ING1: variants seen among roughly 807,000 people sequenced by gnomAD.
The protein encoded by ING1 is inhibitor of growth family member 1, also known as inhibitor of growth protein 1.
A neutral mutation model predicts 23.1 loss-of-function variants in ING1; 4 were observed. That is an observed-to-expected ratio of 0.17 (90% CI 0.09 to 0.40). ING1 has a LOEUF of 0.40. Ranked by LOEUF, ING1 falls within the 10% of genes least tolerant of loss-of-function variation. The probability of loss-of-function intolerance (pLI) is 1.00; values close to 1 mark genes in which losing one functional copy is unlikely to be tolerated. For missense variants in ING1, 256 were observed against 393.8 expected (o/e 0.65, Z 2.96); for synonymous variants, 179 against 166.4 (o/e 1.08, Z -0.58).
At position 110,719,999 on chromosome 13, in the gene ING1, G is replaced by A; in HGVS notation, c.*67G>A. The stretch of plus-strand genomic sequence containing the variant: ...GTGTATTTATTACATTGCTGCCTTT[G>A]TTGAGGTGCAAGGAGTGTAAAATGT... On this transcript the variant is annotated 3_prime_UTR_variant, in exon 2 of 2. Coordinates refer to ENST00000333219, the MANE Select transcript of ING1 (RefSeq NM_198219.3). This position sits in a 1 kb window ranked among gnomAD's most constrained non-coding sequence, Gnocchi z 8.9. 8.7e-7 allele frequency: 1 copy of A among 1,154,892 alleles called. No homozygotes were observed. Among genetic ancestry groups the A allele is most frequent in the Non-Finnish European group, 1.2e-6 (1 of 819,562 alleles). 71.5% of individuals were successfully genotyped at this position (1,154,892 alleles called of 1,614,324 possible). A position where few individuals can be genotyped will look rare whatever the true frequency, so the allele number is the denominator to read the frequency against.
At chr13:110,716,074 T>G in intron 1 of ING1, 1 of 1,452,290 alleles carries the variant, frequency 6.9e-7, no homozygotes, top group East Asian at 2.5e-5. Context: ...GAAGGTGCTG[T>G]CCTCGGGCCG....
Position 110,720,989 on chromosome 13 carries a change from A to G in ING1, c.*1057A>G, listed in dbSNP as rs1325140416. On this transcript the variant is annotated 3_prime_UTR_variant, in exon 2 of 2. Transcript: ENST00000333219. ...ACCCTGGGTCAGGAAATTACTGCCC[A>G]CTTGTCAAGTTCAGCCCACCATCTG... 1 of 167,154 alleles carries G rather than the reference A, an allele frequency of 6.0e-6. No individual in the cohort carries two copies. The highest frequency in any genetic ancestry group is 2.4e-5 in the African/African-American group (1 of 41,472). 10.4% of individuals were successfully genotyped at this position (167,154 alleles called of 1,614,324 possible).
intron 1 of ING1, among the ~76,000 whole-genome samples, chr13:110,717,495 A>C (rs1050753620): frequency 1.3e-5 from 2 of 152,210 alleles, no homozygotes; most frequent in African/African-American, 4.8e-5. Flanking sequence ...AACATTTTAG[A>C]CAATCCCTCC....
intron 1 of ING1, chr13:110,715,745 GCT>G: frequency 6.3e-7 from 1 of 1,582,726 alleles, no homozygotes; most frequent in Non-Finnish European, 8.6e-7. Flanking sequence ...ATAGGCGGCG[GCT>G]CTCGGGGTGC....
At chr13:110,715,534 G>T (rs764983653) in intron 1 of ING1, 1 of 1,614,230 alleles carries the variant, frequency 6.2e-7, no homozygotes, top group South Asian at 1.1e-5. Context: ...AACTGGTATG[G>T]GTCTGTGTTT....
At chr13:110,713,651 C>T (rs1410400252), upstream of ING1, 4 of 985,302 alleles carry the variant, frequency 4.1e-6, no homozygotes, top group Non-Finnish European at 4.8e-6. Flanking sequence ...GGCGCATGCG[C>T]GCTGCGCAGC....
upstream of ING1, chr13:110,713,463 C>T: frequency 2.0e-6 from 2 of 990,124 alleles, no homozygotes; most frequent in Non-Finnish European, 2.4e-6. Flanking sequence ...CCTCGCCCGC[C>T]GTCCACACCC....
chr13:110,715,197 C>T lies in ING1; in HGVS notation c.136+912C>T, dbSNP rs2064099554. On this transcript the variant is annotated intron_variant, in intron 1 of 1. Transcript: ENST00000333219. ...GCGAGGTCAGTCAAGGCTTTGGGGG[C>T]TCTGTTTTGAATGTGGATCACCACT... is the stretch of plus-strand genomic sequence containing the variant. The T allele has an allele frequency of 1.1e-5, 14 of 1,247,980 alleles. No individual in the cohort carries two copies. In the South Asian group the frequency reaches 4.0e-4, roughly 35 times the overall value. The allele number at this position is 1,247,980 out of a possible 1,614,324, so 77.3% of individuals were successfully genotyped here.
chr13:110,713,170 T>G (rs2064057121), upstream of ING1: 1 of 1,427,926 alleles, frequency 7.0e-7, no homozygotes, highest in Admixed American at 2.9e-5. Flanking sequence ...GTGATTGGGC[T>G]GTCAAAGTGA....
At chr13:110,716,061 C>T (rs2064120140) in intron 1 of ING1, 2 of 1,470,558 alleles carry the variant, frequency 1.4e-6, no homozygotes, top group Non-Finnish European at 8.9e-7. Context: ...AGAAACTTTT[C>T]TGGAAGGTGC....
At chr13:110,714,922 AGTTTGC>A (rs1171016946) in intron 1 of ING1, 1 of 937,422 alleles carries the variant, frequency 1.1e-6, no homozygotes, top group Non-Finnish European at 1.3e-6. Context: ...CGCCGGTTGT[AGTTTGC>A]GGAGGACGAG....
upstream of ING1, chr13:110,713,040 T>G (rs2064053875): frequency 6.8e-7 from 1 of 1,478,134 alleles, no homozygotes; most frequent in Non-Finnish European, 9.0e-7. Context: ...CCAGTGCGCA[T>G]GCGCCGCCAC....
At chr13:110,716,060 T>C (rs755136274) in intron 1 of ING1, 23 of 1,473,230 alleles carry the variant, frequency 1.6e-5, no homozygotes, top group Non-Finnish European at 1.9e-5. Flanking sequence ...CAGAAACTTT[T>C]CTGGAAGGTG....
upstream of ING1, chr13:110,712,641 C>A (rs956552257): frequency 3.5e-5 from 20 of 570,242 alleles, no homozygotes; most frequent in African/African-American, 3.7e-4. Context: ...AGGGGCGACG[C>A]GGGGGAGGGC....
rs754505804 is a variant in ING1, at chr13:110,714,212, C to T, written c.63C>T (p.Asp21=). The change falls in exon 1 of 2, where the codon GAC becomes GAT. Residue 21 remains aspartate, a synonymous_variant. Transcript: ENST00000333219. Reference sequence around the variant, plus strand: ...TGAACTATGTGGAGGACTACCTGGACTCCATCGAGTCCCTGCCTTTCGACT... The same window carrying T: ...TGAACTATGTGGAGGACTACCTGGATTCCATCGAGTCCCTGCCTTTCGACT... ...HLVNYVEDYL[D]SIESLPFDLQ... 2.5e-6 allele frequency: 4 copies of T among 1,571,122 alleles called. No homozygotes were observed. The highest frequency in any genetic ancestry group is 2.8e-5 in the African/African-American group (2 of 71,354).
chr13:110,719,916 G>A lies in ING1; in HGVS notation c.824G>A (p.Arg275Lys), dbSNP rs368016398. The A allele has an allele frequency of 3.4e-5, 55 of 1,606,690 alleles. No individual in the cohort carries two copies. Among genetic ancestry groups the A allele is most frequent in the Non-Finnish European group, 4.5e-5 (53 of 1,177,946 alleles). ...DKALEKSKKE[R>K]AYNR ...GCCCTGGAGAAATCCAAAAAAGAGA[G>A]GGCTTACAACAGGTAGTTTGTGGAC... Residue 275 changes from arginine to lysine, a missense_variant, in exon 2 of 2, where the codon AGG (arginine) becomes AAG (lysine). Around this residue, in one of 3 missense-constraint regions of ING1, gnomAD observed 22 missense variants for 24.2 expected, o/e 0.91. Coordinates refer to ENST00000333219, the MANE Select transcript of ING1 (RefSeq NM_198219.3). The surrounding 1 kb of genome is among the most constrained non-coding windows in gnomAD (Gnocchi z 8.9).
In ING1 at chr13:110,721,629, G is replaced by A. The variant is rs972457320; in HGVS notation, c.*1697G>A. 2 of 142,328 alleles carry A rather than the reference G, an allele frequency of 1.4e-5. No individual in the cohort carries two copies. The highest frequency in any genetic ancestry group is 1.5e-4 in the Admixed American group (2 of 13,714). 8.8% of individuals were successfully genotyped at this position (142,328 alleles called of 1,614,324 possible). A position where few individuals can be genotyped will look rare whatever the true frequency, so the allele number is the denominator to read the frequency against. ...TCTCACTCTGTCTCCAGGCTAGAGT[G>A]CAGTGGCCCAGTCTTGGCTCACTGC... On this transcript the variant is annotated 3_prime_UTR_variant, in exon 2 of 2. Transcript: ENST00000333219.
upstream of ING1, chr13:110,713,014 G>A (rs375717214): frequency 1.2e-5 from 18 of 1,525,368 alleles, no homozygotes; most frequent in African/African-American, 2.1e-4. Flanking sequence ...GCAGCTCAAA[G>A]GACACCGAGA....
At chr13:110,713,613 C>G (rs1052239288), upstream of ING1, 1 of 984,598 alleles carries the variant, frequency 1.0e-6, no homozygotes, top group Non-Finnish European at 1.2e-6. Context: ...CGGCGGGGGG[C>G]GGGGCCGTTG....
Sources: allele counts gnomAD v4.1 joint callset (sites outside exome capture counted in the v4.1 genomes callset), GRCh38; gene constraint gnomAD v4.1.1; regional missense constraint gnomAD v4.1.1; non-coding constraint Gnocchi (gnomAD v3.1); transcripts MANE v1.5; gene names NCBI Gene and HGNC (gene_info 2026-07-23, HGNC 2026-07-21).